ATG16L1: variants seen among roughly 807,000 people sequenced by gnomAD.
The protein encoded by ATG16L1 is autophagy-related protein 16-1.
A neutral mutation model predicts 88.5 loss-of-function variants in ATG16L1; 37 were observed. The ratio of observed to expected loss-of-function variants is 0.42; its 90% CI spans 0.32 to 0.55. The LOEUF is 0.55. Ranked by LOEUF, ATG16L1 falls within the 20% of genes least tolerant of loss-of-function variation. The pLI, the probability that ATG16L1 is intolerant of heterozygous loss-of-function variation, is 0.13. For synonymous variants in ATG16L1, 301 were observed against 281.0 expected, an observed-to-expected ratio of 1.07 and a Z score of -0.71; for missense variants, 554 against 752.8, an observed-to-expected ratio of 0.74 and a Z score of 3.09.
At chr2:233,278,152 C>T (rs1233451818) in intron 10 of ATG16L1, among the ~76,000 whole-genome samples, 1 of 152,078 alleles carries the variant, frequency 6.6e-6, no homozygotes, top group Non-Finnish European at 1.5e-5. Context: ...AGGCGTACTA[C>T]CTAGAAAAGA....
At chr2:233,274,055 CCTCT>C in intron 8 of ATG16L1, 1 of 1,548,844 alleles carries the variant, frequency 6.5e-7, no homozygotes, top group South Asian at 1.2e-5. Flanking sequence ...AAACTATTAT[CCTCT>C]CTTAGTCCAG....
chr2:233,263,061 G>C, intron 2 of ATG16L1, 69 bp from the exon 3 acceptor site: 1 of 1,336,808 alleles, frequency 7.5e-7, no homozygotes. Context: ...AATTGGAAAG[G>C]TTTGGAGTCT....
intron 10 of ATG16L1, among the ~76,000 whole-genome samples, chr2:233,278,176 G>T (rs1024270858): frequency 6.6e-6 from 1 of 152,202 alleles, no homozygotes; most frequent in Non-Finnish European, 1.5e-5. Flanking sequence ...ATTTAACAGT[G>T]TATCAGACGA....
chr2:233,289,408 T>TGTGTGTGTGTGTGTGAGAGAGAGA lies in ATG16L1; in HGVS notation c.1204-445_1204-444insTGTGTGTGTGTGTGAGAGAGAGAG, dbSNP rs144316394. 1.4e-3 allele frequency among the ~76,000 whole-genome samples: 214 copies of TGTGTGTGTGTGTGTGAGAGAGAGA among 149,644 alleles called. 1 individual carries two copies. Among genetic ancestry groups the TGTGTGTGTGTGTGTGAGAGAGAGA allele is most frequent in the East Asian group, 2.3e-3 (12 of 5,110 alleles). ...GTGTGTGTGTGTGTGTGTGTGTGTG[T>TGTGTGTGTGTGTGTGAGAGAGAGA]GACAGGATCTTGCTATCACTCAGGT... On this transcript the variant is annotated intron_variant, in intron 12 of 17. Coordinates refer to ENST00000392017, the MANE Select transcript of ATG16L1 (RefSeq NM_030803.7).
At chr2:233,284,118 A>G (rs1438506037) in intron 12 of ATG16L1, among the ~76,000 whole-genome samples, 2 of 150,978 alleles carry the variant, frequency 1.3e-5, no homozygotes, top group African/African-American at 2.4e-5. Flanking sequence ...TGCTGGGATT[A>G]CAGGCGTGAG....
intron 10 of ATG16L1, among the ~76,000 whole-genome samples, chr2:233,278,114 G>A (rs1224854319): frequency 6.6e-6 from 1 of 152,170 alleles, no homozygotes; most frequent in East Asian, 1.9e-4. Context: ...AAAAATGACT[G>A]GAGTCATGTC....
Position 233,270,028 on chromosome 2 carries a change from A to G in ATG16L1, c.668A>G (p.Glu223Gly). Residue 223 changes from glutamate (E) to glycine (G), a missense_variant, in exon 6 of 18, where the codon GAG becomes GGG. Glu to Gly is a moderately conservative substitution (Grantham distance 98). This residue lies in a region of ATG16L1 where 370 missense variants were observed against 509.7 expected (regional missense o/e 0.73). Transcript: ENST00000392017. ...AGGCGGCAAGCCCGGCTGCAGAAAG[A>G]GCTTGCAGAAGCAGCAAAGGAACCT... ...SRRRQARLQK[E>G]LAEAAKEPLP... The G allele has an allele frequency of 6.3e-7, 1 of 1,586,516 alleles. No homozygotes were observed. The highest frequency in any genetic ancestry group is 8.6e-7 in the Non-Finnish European group (1 of 1,169,532).
At chr2:233,262,822 G>A (rs1390222488) in intron 2 of ATG16L1, among the ~76,000 whole-genome samples, 1 of 152,188 alleles carries the variant, frequency 6.6e-6, no homozygotes, top group Non-Finnish European at 1.5e-5. Context: ...CGGCACTCAG[G>A]TCCTTGCTGA....
At chr2:233,255,811 T>C (rs1188774338) in intron 1 of ATG16L1, among the ~76,000 whole-genome samples, 1 of 152,242 alleles carries the variant, frequency 6.6e-6, no homozygotes, top group Non-Finnish European at 1.5e-5. Flanking sequence ...TGTCAACTTA[T>C]GGTAAAGTTC....
chr2:233,257,834 A>G (rs1248850660), intron 2 of ATG16L1, among the ~76,000 whole-genome samples: 2 of 151,986 alleles, frequency 1.3e-5, no homozygotes, highest in African/African-American at 2.4e-5. Flanking sequence ...GTGAAACCCC[A>G]TCTCTACTAA....
At chr2:233,259,346 C>T (rs1697037540) in intron 2 of ATG16L1, among the ~76,000 whole-genome samples, 1 of 152,132 alleles carries the variant, frequency 6.6e-6, no homozygotes, top group Non-Finnish European at 1.5e-5. Context: ...TTTTGGCCCT[C>T]TGATGTCAAA....
chr2:233,278,871 T>A (rs1385607242), intron 10 of ATG16L1, among the ~76,000 whole-genome samples: 1 of 152,186 alleles, frequency 6.6e-6, no homozygotes, highest in Non-Finnish European at 1.5e-5. Flanking sequence ...AGCTTATGAA[T>A]GATAATGGCT....
chr2:233,292,163 G>A lies in ATG16L1; in HGVS notation c.1466G>A (p.Gly489Glu). The A allele has an allele frequency of 6.2e-7, 1 of 1,614,214 alleles. No homozygotes were observed. Among genetic ancestry groups the A allele is most frequent in the Non-Finnish European group, 8.5e-7 (1 of 1,180,044 alleles). The change falls in exon 15 of 18, where the codon GGA (glycine) becomes GAA (glutamate). Residue 489 changes from glycine to glutamate, a missense_variant. Transcript: ENST00000392017. ...ESIVREMELLGKITALDLNPE... is the reference protein window; with the variant it reads ...ESIVREMELLEKITALDLNPE... Reference sequence around the variant, plus strand: ...ATAGTTCGAGAGATGGAGCTGTTGGGAAAGATTACTGCCCTGGACTTAAAC... The same window carrying A: ...ATAGTTCGAGAGATGGAGCTGTTGGAAAAGATTACTGCCCTGGACTTAAAC...
chr2:233,281,925 A>G (rs1698744380), intron 11 of ATG16L1, among the ~76,000 whole-genome samples: 1 of 152,152 alleles, frequency 6.6e-6, no homozygotes, highest in Admixed American at 6.6e-5. Flanking sequence ...TACTAAGCTG[A>G]GAGCTGACTA....
intron 12 of ATG16L1, among the ~76,000 whole-genome samples, chr2:233,285,903 A>G (rs1699042345): frequency 2.0e-5 from 3 of 152,116 alleles, no homozygotes; most frequent in Non-Finnish European, 2.9e-5. Flanking sequence ...TGCTTGCTTT[A>G]ACATCCTTTT....
intron 12 of ATG16L1, chr2:233,288,902 G>T (rs1699264501): frequency 1.9e-6 from 1 of 519,066 alleles, no homozygotes; most frequent in Non-Finnish European, 3.8e-6. Context: ...GGGAGTGCTG[G>T]TATCTGTGGC....
Position 233,294,463 on chromosome 2 carries a change from A to G in ATG16L1, c.*113A>G. 1 of 721,888 alleles carries G rather than the reference A, an allele frequency of 1.4e-6. No individual in the cohort carries two copies. The highest frequency in any genetic ancestry group is 2.2e-6 in the Non-Finnish European group (1 of 447,818). 44.7% of individuals were successfully genotyped at this position (721,888 alleles called of 1,614,324 possible). The stretch of plus-strand genomic sequence containing the variant: ...TGGGTATAGCATGGACCTCCCAGAG[A>G]AGCTCAAGCTATGTGGCACTGTAGC... On this transcript the variant is annotated 3_prime_UTR_variant, in exon 18 of 18. Transcript: ENST00000392017.
intron 2 of ATG16L1, among the ~76,000 whole-genome samples, chr2:233,261,118 G>A (rs1697179899): frequency 6.6e-6 from 1 of 152,100 alleles, no homozygotes; most frequent in Admixed American, 6.6e-5. Flanking sequence ...ACCACGCCCA[G>A]CTAATTTTTT....
In ATG16L1 at chr2:233,263,985, C is replaced by T. The variant is rs766657554; in HGVS notation, c.316-7C>T. The stretch of plus-strand genomic sequence containing the variant: ...TATTTATGAAAGTATTCTTCTTTAT[C>T]TCCCAGTTAGCTCAACTGGTGATTG... On this transcript the variant is annotated splice_polypyrimidine_tract_variant and splice_region_variant and intron_variant, in intron 3 of 17. Coordinates refer to ENST00000392017, the MANE Select transcript of ATG16L1 (RefSeq NM_030803.7). 4.6e-5 allele frequency: 74 copies of T among 1,613,254 alleles called. No individual in the cohort carries two copies. Among genetic ancestry groups the T allele is most frequent in the Non-Finnish European group, 2.5e-6 (3 of 1,179,468 alleles).
Sources: gnomAD v4.1 joint callset for allele counts (sites outside exome capture counted in the v4.1 genomes callset) on GRCh38, gnomAD v4.1.1 for gene constraint, gnomAD v4.1.1 regional missense constraint, MANE v1.5 for transcripts, NCBI Gene and HGNC (gene_info 2026-07-23, HGNC 2026-07-21) for gene names.